Variants in CAPN3 observed in about 807,000 individuals in gnomAD.
The protein encoded by CAPN3 is calpain 3.
A neutral mutation model predicts 114.0 loss-of-function variants in CAPN3; 88 were observed. That is an observed-to-expected ratio of 0.77 (90% CI 0.65 to 0.92). The LOEUF (loss-of-function observed/expected upper bound fraction) is 0.92. Ranked by LOEUF, CAPN3 falls within the 40% of genes least tolerant of loss-of-function variation. The pLI is 0.00. For missense variants in CAPN3, 1,028 were observed against 1,069.0 expected, an observed-to-expected ratio of 0.96 and a Z score of 0.53; for synonymous variants, 386 against 382.9, an observed-to-expected ratio of 1.01 and a Z score of -0.09.
At chr15:42,368,187 G>T (rs1243637151) in intron 1 of CAPN3, among the ~76,000 whole-genome samples, 1 of 152,218 alleles carries the variant, frequency 6.6e-6, no homozygotes, top group African/African-American at 2.4e-5. Context: ...ACACAGAGCT[G>T]TGAAAAATCT....
intron 22 of CAPN3, 96 bp downstream of exon 22, chr15:42,411,096 C>T: frequency 8.7e-7 from 1 of 1,155,312 alleles, no homozygotes. Context: ...TCCATCCAGG[C>T]TGAACAAGGG....
At chr15:42,389,887 T>C in intron 5 of CAPN3, 66 bp from the exon 6 acceptor site, 1 of 1,554,130 alleles carries the variant, frequency 6.4e-7, no homozygotes, top group Non-Finnish European at 8.9e-7. Context: ...TCCTTCCCTT[T>C]CCACCCTTCT....
intron 1 of CAPN3, among the ~76,000 whole-genome samples, chr15:42,372,770 C>G (rs1475943606): frequency 6.6e-6 from 1 of 151,910 alleles, no homozygotes; most frequent in Non-Finnish European, 1.5e-5. Context: ...ATCAGTTGAA[C>G]CCAGGAGGCG....
chr15:42,409,001 A>T, intron 16 of CAPN3: 1 of 451,154 alleles, frequency 2.2e-6, no homozygotes, highest in Admixed American at 3.4e-5. Context: ...CTTTAGTTGG[A>T]ATGGTCAGGC....
At chr15:42,371,621 TTACAGA>T (rs1299105870) in intron 1 of CAPN3, among the ~76,000 whole-genome samples, 3 of 152,184 alleles carry the variant, frequency 2.0e-5, no homozygotes, top group African/African-American at 7.2e-5. Flanking sequence ...GTTAGATGTG[TTACAGA>T]TACCTTCTCC....
At chr15:42,409,883 G>GGGGGCGCCCCCCCCCC in intron 18 of CAPN3, 39 bp downstream of exon 18, 1 of 559,664 alleles carries the variant, frequency 1.8e-6, no homozygotes, top group Non-Finnish European at 3.5e-6. Context: ...GGTGGGTGGG[G>GGGGGCGCCCCCCCCCC]AGTCCCGTTG....
chr15:42,400,195 C>T (rs28364475), intron 10 of CAPN3, among the ~76,000 whole-genome samples: 10,381 of 152,156 alleles, frequency 0.068, 685 homozygotes, highest in African/African-American at 0.17. Flanking sequence ...AAATTGTAGC[C>T]GAACCATCCT....
chr15:42,383,356 A>G (rs1282645302), intron 1 of CAPN3, among the ~76,000 whole-genome samples: 1 of 152,212 alleles, frequency 6.6e-6, no homozygotes, highest in East Asian at 1.9e-4. Flanking sequence ...TGGGAGGCCA[A>G]GGCTGGCAGA....
At chr15:42,398,701 GTGTA>G (rs1322527917) in intron 9 of CAPN3, among the ~76,000 whole-genome samples, 4 of 142,300 alleles carry the variant, frequency 2.8e-5, no homozygotes, top group African/African-American at 1.2e-4. Flanking sequence ...ATATGTGTGT[GTGTA>G]TATATACACA....
rs1566987227 is a variant in CAPN3 at position 42,412,119 on chromosome 15, GCA to G, written c.*348_*349del. On this transcript the variant is annotated 3_prime_UTR_variant, in exon 24 of 24. Coordinates refer to ENST00000397163, the MANE Select transcript of CAPN3 (RefSeq NM_000070.3). ...CAGAAGCACCTGCCGGTGGCACTCA[GCA>G]CCTCCTTGTGCTAGAGCCCTCCATC... 7.8e-6 allele frequency: 12 copies of G among 1,535,836 alleles called. No homozygotes were observed. The highest frequency in any genetic ancestry group is 1.0e-5 in the Non-Finnish European group (12 of 1,146,878).
At chr15:42,368,127 G>A (rs2052836586) in intron 1 of CAPN3, among the ~76,000 whole-genome samples, 2 of 152,198 alleles carry the variant, frequency 1.3e-5, no homozygotes, top group Non-Finnish European at 2.9e-5. Flanking sequence ...GCTAAGGTTT[G>A]TCTCCTCAAA....
chr15:42,398,815 C>T (rs576823242), intron 9 of CAPN3, among the ~76,000 whole-genome samples: 4 of 122,062 alleles, frequency 3.3e-5, no homozygotes, highest in African/African-American at 9.9e-5. Flanking sequence ...GACAGAGTCT[C>T]ACTTTGTCGC....
chr15:42,377,887 T>C (rs901915613), intron 1 of CAPN3, among the ~76,000 whole-genome samples: 2 of 152,214 alleles, frequency 1.3e-5, no homozygotes, highest in African/African-American at 2.4e-5. Flanking sequence ...CTCGAATGAA[T>C]TTTGGTAGCT....
chr15:42,409,332 T>C lies in CAPN3; in HGVS notation c.1944T>C (p.Ser648=). The change falls in exon 17 of 24, where the codon AGT becomes AGC. Residue 648 remains serine (S), a synonymous_variant. Coordinates refer to ENST00000397163, the MANE Select transcript of CAPN3 (RefSeq NM_000070.3). ...QPQPGSSDQE[S]EEQQQFRNIF... is the part of the protein sequence containing the mutation. ...AGCCTGGCAGCTCTGATCAGGAAAG[T>C]GAGGAACAGCAACAATTCCGGAACA... The C allele has an allele frequency of 6.2e-7, 1 of 1,614,154 alleles. No individual in the cohort carries two copies. Among genetic ancestry groups the C allele is most frequent in the Non-Finnish European group, 8.5e-7 (1 of 1,180,024 alleles).
At chr15:42,403,629 G>C in intron 13 of CAPN3, 112 bp from the exon 14 acceptor site, 1 of 972,452 alleles carries the variant, frequency 1.0e-6, no homozygotes, top group Non-Finnish European at 1.7e-6. Flanking sequence ...GGGTTCTCTA[G>C]AGGCTGGTTC....
intron 15 of CAPN3, among the ~76,000 whole-genome samples, chr15:42,407,980 G>C (rs2054071827): frequency 6.6e-6 from 1 of 152,168 alleles, no homozygotes; most frequent in African/African-American, 2.4e-5. Context: ...CACGTGCTGA[G>C]CTCTCAATAC....
intron 23 of CAPN3, 51 bp from the exon 24 acceptor site, chr15:42,411,696 G>GA (rs1555423388): frequency 2.5e-6 from 2 of 803,502 alleles, no homozygotes; most frequent in African/African-American, 2.1e-5. Flanking sequence ...GGCGGGGGGG[G>GA]GGGGGGTCAC....
At chr15:42,411,189 A>T in intron 22 of CAPN3, 98 bp from the exon 23 acceptor site, 1 of 1,096,058 alleles carries the variant, frequency 9.1e-7, no homozygotes, top group Non-Finnish European at 1.4e-6. Flanking sequence ...TGTGCTGATG[A>T]GGGACAGCAC....
chr15:42,388,770 G>T (rs559926600), intron 4 of CAPN3, among the ~76,000 whole-genome samples, 158 bp from the exon 5 acceptor site: 47 of 152,236 alleles, frequency 3.1e-4, no homozygotes, highest in Admixed American at 9.8e-4. Context: ...TATGAAGAAA[G>T]GGAATCATTG....
Sources: allele counts gnomAD v4.1 joint callset (sites outside exome capture counted in the v4.1 genomes callset), GRCh38; gene constraint gnomAD v4.1.1; transcripts MANE v1.5; gene names NCBI Gene and HGNC (gene_info 2026-07-23, HGNC 2026-07-21).